The following GAK variants were observed in gnomAD, a reference collection of about 807,000 sequenced individuals.
GAK encodes the protein cyclin-G-associated kinase.
A neutral mutation model predicts 143.9 loss-of-function variants in GAK; 79 were observed. The ratio of observed to expected loss-of-function variants is 0.55; its 90% CI spans 0.46 to 0.66. The LOEUF is 0.66. Among genes scored for constraint, GAK ranks in the 30% least tolerant of loss-of-function variants. The probability of loss-of-function intolerance (pLI) is 0.00; values close to 1 mark genes in which losing one functional copy is unlikely to be tolerated. For missense variants in GAK, 1,693 were observed against 1,779.7 expected (o/e 0.95, Z 0.88); for synonymous variants, 881 against 765.5 (o/e 1.15, Z -2.49).
chr4:868,668 G>A lies in GAK; in HGVS notation c.2266C>T (p.Arg756Trp), dbSNP rs980973977. The stretch of plus-strand genomic sequence containing the variant: ...TACTGAGCCGTGGAGCCAGGCTGCC[G>A]GGGAAGCTCCGGCTTCCCTGCAGGA... Reference protein sequence around the residue: ...LSKFGKPELPRQPGSTAQYDA... With the variant: ...LSKFGKPELPWQPGSTAQYDA... The change falls in exon 20 of 28, where the codon CGG (arginine) becomes TGG (tryptophan). Residue 756 changes from arginine to tryptophan, a missense_variant. Coordinates refer to ENST00000314167, the MANE Select transcript of GAK (RefSeq NM_005255.4). The A allele has an allele frequency of 7.7e-6, 12 of 1,552,892 alleles. No homozygotes were observed. Among genetic ancestry groups the A allele is most frequent in the Non-Finnish European group, 9.6e-6 (11 of 1,148,660 alleles).
chr4:891,357 C>T (rs1717623954), intron 9 of GAK, among the ~76,000 whole-genome samples: 1 of 151,966 alleles, frequency 6.6e-6, no homozygotes, highest in Non-Finnish European at 1.5e-5. Context: ...CTCCACCTCG[C>T]ATGCCCAACC....
At chr4:902,659 G>A (rs1199775813) in intron 5 of GAK, among the ~76,000 whole-genome samples, 1 of 147,934 alleles carries the variant, frequency 6.8e-6, no homozygotes, top group African/African-American at 2.5e-5. Flanking sequence ...GGAGGACGAG[G>A]CCCACCATGG....
intron 24 of GAK, 115 bp downstream of exon 24, chr4:859,491 G>A: frequency 1.9e-6 from 3 of 1,601,388 alleles, no homozygotes; most frequent in East Asian, 2.3e-5. Flanking sequence ...TGGGCTTGGG[G>A]GTCTTAGTGA....
chr4:925,862 G>A (rs138912801), intron 1 of GAK, among the ~76,000 whole-genome samples: 2 of 152,326 alleles, frequency 1.3e-5, no homozygotes, highest in Non-Finnish European at 2.9e-5. Context: ...ACGACGTTCT[G>A]TTACAGCAGC....
In GAK at chr4:862,519, G is replaced by A. The variant is rs149167969; in HGVS notation, c.3166+2603C>T. On this transcript the variant is annotated intron_variant, in intron 23 of 27. Transcript: ENST00000314167. The stretch of plus-strand genomic sequence containing the variant: ...AGGGGTTTCAAAAAATTAGCCGGGC[G>A]TGGTGGCAGGCGCCTGTAGTCCCAG... Among the ~76,000 whole-genome samples the A allele has an allele frequency of 2.0e-3, 300 of 152,230 alleles. 3 individuals carry two copies. The highest frequency in any genetic ancestry group is 0.014 in the East Asian group (73 of 5,164).
chr4:864,986 C>A (rs7377258), intron 23 of GAK, 136 bp downstream of exon 23: 1 of 1,234,998 alleles, frequency 8.1e-7, no homozygotes, highest in East Asian at 2.6e-5. Flanking sequence ...GTGCGGAGCC[C>A]GCACCACCAA....
intron 5 of GAK, among the ~76,000 whole-genome samples, chr4:902,608 A>AAAAAAAAAAAAAC (rs1553889083): frequency 6.6e-6 from 1 of 150,424 alleles, no homozygotes; most frequent in African/African-American, 2.5e-5. Context: ...AAAAAAAAAA[A>AAAAAAAAAAAAAC]AAAAAACCCC....
intron 1 of GAK, among the ~76,000 whole-genome samples, chr4:919,597 C>A (rs1723604796): frequency 6.6e-6 from 1 of 152,274 alleles, no homozygotes; most frequent in African/African-American, 2.4e-5. Flanking sequence ...ACCCTGGGCA[C>A]CTCCTGGCTT....
intron 24 of GAK, among the ~76,000 whole-genome samples, chr4:854,335 C>T (rs1053041439): frequency 1.3e-5 from 2 of 152,112 alleles, no homozygotes; most frequent in Non-Finnish European, 2.9e-5. Context: ...TAGATGAGTC[C>T]TTTGTCAAAT....
At chr4:893,592 A>T in intron 8 of GAK, 103 bp from the exon 9 acceptor site, 1 of 821,034 alleles carries the variant, frequency 1.2e-6, no homozygotes, top group Non-Finnish European at 1.8e-6. Context: ...CTCCCTCTAC[A>T]CACATCAGTG....
intron 9 of GAK, 84 bp downstream of exon 9, chr4:893,293 C>T (rs1718036929): frequency 2.0e-6 from 2 of 996,412 alleles, no homozygotes; most frequent in African/African-American, 1.7e-5. Context: ...CATGTGCCTC[C>T]CTCCCCTCTG....
chr4:883,084 C>A (rs1351482691), intron 13 of GAK, among the ~76,000 whole-genome samples: 1 of 152,236 alleles, frequency 6.6e-6, no homozygotes, highest in Non-Finnish European at 1.5e-5. Context: ...CACCCTCTGG[C>A]TGGTGGGAAG....
At chr4:849,833 G>GGGGGGGGCCCCCCCCC in intron 27 of GAK, 59 bp from the exon 28 acceptor site, 2 of 1,190,152 alleles carry the variant, frequency 1.7e-6, no homozygotes, top group Non-Finnish European at 2.3e-6. Flanking sequence ...GGCGGGGCAG[G>GGGGGGGGCCCCCCCCC]ACCCCCCCCC....
intron 10 of GAK, among the ~76,000 whole-genome samples, chr4:890,176 G>A (rs1437714930): frequency 1.3e-5 from 2 of 152,218 alleles, no homozygotes; most frequent in African/African-American, 2.4e-5. Flanking sequence ...TGTGATCTAT[G>A]CTGGGGTCTT....
Position 926,925 on chromosome 4 carries a change from G to A in GAK, c.145+5118C>T, listed in dbSNP as rs781653977. Among the ~76,000 whole-genome samples the A allele has an allele frequency of 2.8e-3, 23 of 8,240 alleles. 2 individuals carry two copies. Among genetic ancestry groups the A allele is most frequent in the African/African-American group, 7.0e-3 (19 of 2,710 alleles). 5.4% of individuals were successfully genotyped at this position (8,240 alleles called of 152,430 possible). ...CTCCGCACTGCCCCGCACCCCTCCCGGCTCACCAGCGCTCCGCACTGCCCC... is the reference window on the plus strand; with the variant it reads ...CTCCGCACTGCCCCGCACCCCTCCCAGCTCACCAGCGCTCCGCACTGCCCC... On this transcript the variant is annotated intron_variant, in intron 1 of 27. Transcript: ENST00000314167.
At chr4:909,897 T>C (rs979874994) in intron 4 of GAK, among the ~76,000 whole-genome samples, 1 of 152,124 alleles carries the variant, frequency 6.6e-6, no homozygotes, top group Non-Finnish European at 1.5e-5. Flanking sequence ...TGGGGCTACC[T>C]GGCAGCATCT....
rs1202505242 is a variant in GAK, at chr4:867,346, C to G, written c.2482G>C (p.Val828Leu). ...ATCGGGGATCCCCCTTCATCTGACA[C>G]CTCACTCTCGTCTCTGTCCTCCATC... ...ALMEDRDESE[V>L]SDEGGSPISS... is the part of the protein sequence containing the mutation. The change falls in exon 21 of 28, where the codon GTG becomes CTG. Residue 828 changes from valine to leucine, a missense_variant. Around this residue, in one of 2 missense-constraint regions of GAK, gnomAD observed 822 missense variants for 788.7 expected, o/e 1.04. Coordinates refer to ENST00000314167, the MANE Select transcript of GAK (RefSeq NM_005255.4). 2 of 1,606,350 alleles carry G rather than the reference C, an allele frequency of 1.2e-6. No individual in the cohort carries two copies. The highest frequency in any genetic ancestry group is 1.7e-6 in the Non-Finnish European group (2 of 1,174,898).
intron 10 of GAK, 99 bp downstream of exon 10, chr4:890,433 C>T (rs1717404743): frequency 3.5e-6 from 3 of 848,176 alleles, no homozygotes; most frequent in South Asian, 1.8e-5. Flanking sequence ...GAGGAGGCCC[C>T]GGGAGAGAAG....
intron 15 of GAK, among the ~76,000 whole-genome samples, chr4:878,148 T>G (rs1328181614): frequency 6.6e-6 from 1 of 152,144 alleles, no homozygotes; most frequent in East Asian, 1.9e-4. Flanking sequence ...CCTAGCACTT[T>G]GGGAGGCCAA....
Sources: gnomAD v4.1 joint callset for allele counts (sites outside exome capture counted in the v4.1 genomes callset) on GRCh38, gnomAD v4.1.1 for gene constraint, gnomAD v4.1.1 regional missense constraint, MANE v1.5 for transcripts, NCBI Gene and HGNC (gene_info 2026-07-23, HGNC 2026-07-21) for gene names.